Variants in XPO1 observed in about 807,000 individuals in gnomAD.
XPO1 encodes the protein exportin-1.
XPO1 carries 5 observed loss-of-function variants against 133.3 expected under a neutral mutation model. The observed-to-expected ratio is 0.04, with a 90% CI of 0.02 to 0.08. XPO1 has a LOEUF of 0.08. Among genes scored for constraint, XPO1 ranks in the 10% least tolerant of loss-of-function variants. XPO1 has a pLI of 1.00. For synonymous variants in XPO1, 419 were observed against 408.2 expected (o/e 1.03, Z -0.32); for missense variants, 506 against 1,267.5 (o/e 0.40, Z 9.12).
chr2:61,535,165 A>G (rs1021725187), intron 1 of XPO1, among the ~76,000 whole-genome samples: 1 of 152,222 alleles, frequency 6.6e-6, no homozygotes, highest in African/African-American at 2.4e-5. Context: ...GCCCAGAATT[A>G]TAAAATATAT....
intron 4 of XPO1, 33 bp from the exon 5 acceptor site, chr2:61,502,343 G>T (rs570286537): frequency 6.3e-7 from 1 of 1,589,598 alleles, no homozygotes; most frequent in Non-Finnish European, 8.6e-7. Context: ...TAAAAAAATT[G>T]TTGAGCTCTT....
Position 61,505,605 on chromosome 2 carries a change from T to C in XPO1, c.302-3295A>G, listed in dbSNP as rs78751168. 9.2e-5 allele frequency among the ~76,000 whole-genome samples: 14 copies of C among 152,122 alleles called. No homozygotes were observed. In the East Asian group the frequency reaches 2.3e-3, roughly 25 times the overall value. On this transcript the variant is annotated intron_variant, in intron 4 of 24. Coordinates refer to ENST00000401558, the MANE Select transcript of XPO1 (RefSeq NM_003400.4). ...AGACAGAGCCTCACTGTACCCCAGA[T>C]TGGTGTGCAGTGGCGTGATCTCAGC...
intron 4 of XPO1, 36 bp from the exon 5 acceptor site, chr2:61,502,346 G>T: frequency 1.3e-6 from 2 of 1,583,220 alleles, no homozygotes; most frequent in Non-Finnish European, 8.6e-7. Flanking sequence ...AAAAATTGTT[G>T]AGCTCTTTTG....
At chr2:61,486,197 G>A (rs77858448) in intron 19 of XPO1, among the ~76,000 whole-genome samples, 1 of 148,680 alleles carries the variant, frequency 6.7e-6, no homozygotes, top group South Asian at 2.1e-4. Context: ...TTTTTTTTTT[G>A]AGACAGTCTC....
At chr2:61,507,747 T>TGCAC (rs1477971923) in intron 4 of XPO1, among the ~76,000 whole-genome samples, 1 of 151,714 alleles carries the variant, frequency 6.6e-6, no homozygotes, top group Non-Finnish European at 1.5e-5. Context: ...GCATGGTGGC[T>TGCAC]TGTGCCTGCA....
chr2:61,514,755 C>T (rs928208444), intron 4 of XPO1, among the ~76,000 whole-genome samples: 1 of 152,012 alleles, frequency 6.6e-6, no homozygotes, highest in African/African-American at 2.4e-5. Flanking sequence ...CTTTGGAATA[C>T]AGTTGGATGC....
intron 22 of XPO1, 171 bp from the exon 23 acceptor site, chr2:61,482,710 A>T (rs1178283025): frequency 2.6e-6 from 2 of 767,710 alleles, no homozygotes; most frequent in Non-Finnish European, 4.0e-6. Flanking sequence ...GGTCCAAGCC[A>T]TTCTCCTGCC....
At chr2:61,482,024 C>T (rs1271193475) in intron 23 of XPO1, among the ~76,000 whole-genome samples, 4 of 27,542 alleles carry the variant, frequency 1.5e-4, no homozygotes, top group Non-Finnish European at 2.8e-4. Flanking sequence ...CATGAGCCAC[C>T]GTGCGTGGCC....
At position 61,502,122 on chromosome 2, in the gene XPO1, C is replaced by T. The variant is rs563565605; in HGVS notation, c.364-82G>A. On this transcript the variant is annotated intron_variant, in intron 5 of 24. Transcript: ENST00000401558. ...ACCAGACAATCCTAACAAATGATTA[C>T]AGCTCTACTGTAAATGACTGACTGT... The T allele has an allele frequency of 7.7e-4, 1,158 of 1,509,400 alleles. 3 individuals carry two copies. The highest frequency in any genetic ancestry group is 9.6e-4 in the Non-Finnish European group (1,061 of 1,102,682). 93.5% of individuals were successfully genotyped at this position (1,509,400 alleles called of 1,614,324 possible).
chr2:61,502,478 G>A (rs922720266), intron 4 of XPO1, 168 bp from the exon 5 acceptor site: 41 of 594,344 alleles, frequency 6.9e-5, no homozygotes, highest in Middle Eastern at 4.8e-4. Flanking sequence ...GGCCCGGTGC[G>A]GTGGCTCACG....
chr2:61,504,008 G>A (rs1697674893), intron 4 of XPO1, among the ~76,000 whole-genome samples: 1 of 152,182 alleles, frequency 6.6e-6, no homozygotes. Flanking sequence ...TCATGCCACT[G>A]CACTCCAGCC....
chr2:61,522,954 T>C (rs548855431), intron 3 of XPO1, among the ~76,000 whole-genome samples: 72 of 152,182 alleles, frequency 4.7e-4, no homozygotes, highest in Non-Finnish European at 9.4e-4. Context: ...AAAAGCCCTT[T>C]AGCAGCCAAA....
At chr2:61,523,945 C>A (rs1698803579) in intron 3 of XPO1, among the ~76,000 whole-genome samples, 1 of 152,148 alleles carries the variant, frequency 6.6e-6, no homozygotes, top group South Asian at 2.1e-4. Flanking sequence ...TCTAAAATTA[C>A]AAATTTGATG....
At chr2:61,521,829 C>T (rs186612089) in intron 4 of XPO1, among the ~76,000 whole-genome samples, 2 of 152,170 alleles carry the variant, frequency 1.3e-5, no homozygotes, top group African/African-American at 4.8e-5. Flanking sequence ...AATGATGGCT[C>T]ACTGCAGTCT....
At chr2:61,521,436 A>G (rs1165354493) in intron 4 of XPO1, among the ~76,000 whole-genome samples, 1 of 152,202 alleles carries the variant, frequency 6.6e-6, no homozygotes, top group Non-Finnish European at 1.5e-5. Flanking sequence ...AAAAATTTCT[A>G]TTTTTCAGAG....
At position 61,498,930 on chromosome 2, in the gene XPO1, AC is replaced by A. The variant is rs1182971826; in HGVS notation, c.591-18del. The A allele has an allele frequency of 6.4e-7, 1 of 1,567,870 alleles. No individual in the cohort carries two copies. The highest frequency in any genetic ancestry group is 1.4e-5 in the African/African-American group (1 of 72,496). ...TTGCACATGCTAAAAAAAAAAACAC[AC>A]AAAAATATCAGATTTAGAAGACACA... On this transcript the variant is annotated intron_variant, in intron 7 of 24. Coordinates refer to ENST00000401558, the MANE Select transcript of XPO1 (RefSeq NM_003400.4).
chr2:61,522,528 T>C, intron 4 of XPO1, 83 bp downstream of exon 4: 1 of 1,193,640 alleles, frequency 8.4e-7, no homozygotes, highest in South Asian at 1.3e-5. Flanking sequence ...TAAAGATTCA[T>C]TACATGCCCC....
intron 2 of XPO1, among the ~76,000 whole-genome samples, chr2:61,527,321 CAAA>C (rs35556629): frequency 1.1e-5 from 1 of 92,648 alleles, no homozygotes. Context: ...CATGACTCTC[CAAA>C]AAAAAAAAAA....
chr2:61,518,422 AC>A (rs1698515261), intron 4 of XPO1, among the ~76,000 whole-genome samples: 1 of 19,330 alleles, frequency 5.2e-5, no homozygotes, highest in Admixed American at 4.1e-4. Context: ...AACAAAACAC[AC>A]ACACACACAC....
Sources: allele counts gnomAD v4.1 joint callset (sites outside exome capture counted in the v4.1 genomes callset), GRCh38; gene constraint gnomAD v4.1.1; transcripts MANE v1.5; gene names NCBI Gene and HGNC (gene_info 2026-07-23, HGNC 2026-07-21).